The following KLHL32 variants were observed in gnomAD, a reference collection of about 807,000 sequenced individuals.
KLHL32 encodes kelch like family member 32.
Under a neutral mutation model 64.8 loss-of-function variants are expected in KLHL32, and 35 were observed. The observed-to-expected ratio is 0.54, with a 90% CI of 0.41 to 0.72. KLHL32 has a LOEUF of 0.72. KLHL32 is among the 30% of genes least tolerant of loss of function. The pLI is 0.00. For synonymous variants in KLHL32, 259 were observed against 281.0 expected (o/e 0.92, Z 0.78); for missense variants, 589 against 768.5 (o/e 0.77, Z 2.76).
chr6:97,056,515 C>G (rs1158165406), intron 4 of KLHL32, among the ~76,000 whole-genome samples: 1 of 152,114 alleles, frequency 6.6e-6, no homozygotes, highest in Non-Finnish European at 1.5e-5. Flanking sequence ...TTTGCTTGCT[C>G]CTCCCCACTC....
At chr6:96,986,316 G>A (rs1310186382) in intron 3 of KLHL32, among the ~76,000 whole-genome samples, 2 of 152,172 alleles carry the variant, frequency 1.3e-5, no homozygotes, top group African/African-American at 4.8e-5. Flanking sequence ...CTACTCAGGG[G>A]TCAGGGACCC....
intron 10 of KLHL32, among the ~76,000 whole-genome samples, 191 bp from the exon 11 acceptor site, chr6:97,138,930 A>G (rs1194374324): frequency 6.6e-6 from 1 of 152,228 alleles, no homozygotes; most frequent in African/African-American, 2.4e-5. Flanking sequence ...CCAAAAACAT[A>G]CTAACATAGT....
At chr6:96,921,805 TATAAAAACTCAC>T (rs1221489068), upstream of KLHL32, among the ~76,000 whole-genome samples, 3 of 152,162 alleles carry the variant, frequency 2.0e-5, no homozygotes, top group Non-Finnish European at 2.9e-5. Context: ...ATACAGACTT[TATAAAAACTCAC>T]AGCACTAGAT....
At chr6:96,955,020 T>C (rs2128016342) in intron 1 of KLHL32, among the ~76,000 whole-genome samples, 1 of 152,310 alleles carries the variant, frequency 6.6e-6, no homozygotes, top group South Asian at 2.1e-4. Context: ...TGCTTCCTAG[T>C]TTACAGATGA....
chr6:96,906,254 A>G, the KLHL32 span, among the ~76,000 whole-genome samples: 1 of 152,208 alleles, frequency 6.6e-6, no homozygotes, highest in African/African-American at 2.4e-5. Flanking sequence ...TAATAAATAG[A>G]TATTGTTTTA....
intron 3 of KLHL32, among the ~76,000 whole-genome samples, chr6:97,028,200 T>A (rs1783015329): frequency 6.6e-6 from 1 of 152,056 alleles, no homozygotes; most frequent in African/African-American, 2.4e-5. Flanking sequence ...CTAGTAAGTG[T>A]CGGGTAGGAG....
chr6:97,037,650 A>G (rs1784497899), intron 3 of KLHL32, among the ~76,000 whole-genome samples: 1 of 152,206 alleles, frequency 6.6e-6, no homozygotes, highest in African/African-American at 2.4e-5. Context: ...CAAATTTTCA[A>G]TGACATTCTT....
chr6:97,106,061 G>T (rs1796368945), intron 6 of KLHL32, among the ~76,000 whole-genome samples: 1 of 152,098 alleles, frequency 6.6e-6, no homozygotes, highest in Admixed American at 6.5e-5. Context: ...TATACAAGCA[G>T]TTGGAATTCA....
intron 3 of KLHL32, among the ~76,000 whole-genome samples, chr6:97,023,776 T>C (rs942816646): frequency 6.6e-6 from 1 of 152,140 alleles, no homozygotes; most frequent in East Asian, 1.9e-4. Flanking sequence ...GCCAGGAAAA[T>C]CCTTGGCTAA....
intron 4 of KLHL32, among the ~76,000 whole-genome samples, chr6:97,045,279 A>G (rs1009270789): frequency 1.3e-5 from 2 of 152,234 alleles, no homozygotes; most frequent in Non-Finnish European, 1.5e-5. Flanking sequence ...GCCAAAATAT[A>G]TTCCTAGTGA....
chr6:96,946,017 TG>T lies in KLHL32; in HGVS notation c.-65-20975del, dbSNP rs529045720. Among the ~76,000 whole-genome samples the T allele has an allele frequency of 2.6e-3, 392 of 152,260 alleles. 5 individuals carry two copies. Among genetic ancestry groups the T allele is most frequent in the African/African-American group, 9.1e-3 (378 of 41,556 alleles). ...GACAAGGATGGTTTTTAACTTTTTC[TG>T]GGGTCTTAGCTTTTACTTAAATGGC... On this transcript the variant is annotated intron_variant, in intron 1 of 10. Transcript: ENST00000369261.
chr6:97,011,531 G>T (rs980724020), intron 3 of KLHL32, among the ~76,000 whole-genome samples: 1 of 152,150 alleles, frequency 6.6e-6, no homozygotes, highest in African/African-American at 2.4e-5. Flanking sequence ...AAAGAGCAAA[G>T]AAAACTATTA....
chr6:97,135,753 C>G (rs1206143), intron 10 of KLHL32, among the ~76,000 whole-genome samples: 1 of 151,908 alleles, frequency 6.6e-6, no homozygotes, highest in East Asian at 1.9e-4. Flanking sequence ...GGCTATATTA[C>G]CATTCATTCT....
intron 4 of KLHL32, among the ~76,000 whole-genome samples, chr6:97,043,068 C>T (rs1357707007): frequency 6.6e-6 from 1 of 152,224 alleles, no homozygotes; most frequent in East Asian, 1.9e-4. Context: ...TCTCCTCTGC[C>T]ATGAGTGGAA....
chr6:97,020,380 A>G lies in KLHL32; in HGVS notation c.205-21112A>G, dbSNP rs1781826732. 2.0e-5 allele frequency among the ~76,000 whole-genome samples: 3 copies of G among 151,180 alleles called. No homozygotes were observed. In the South Asian group the frequency reaches 6.2e-4, roughly 31 times the overall value. On this transcript the variant is annotated intron_variant, in intron 3 of 10. Transcript: ENST00000369261. ...AAATAATGATTACCAGAAATACTAT[A>G]GAAACTCTATGCCAATAAACTTCAA... is the stretch of plus-strand genomic sequence containing the variant.
At chr6:97,024,974 T>A (rs1257674685) in intron 3 of KLHL32, 2 of 984,330 alleles carry the variant, frequency 2.0e-6, no homozygotes, top group Middle Eastern at 5.2e-4. Flanking sequence ...AAATTTGCAT[T>A]CATGCTTATT....
intron 3 of KLHL32, chr6:96,999,566 G>C: frequency 1.0e-6 from 1 of 970,558 alleles, no homozygotes; most frequent in Non-Finnish European, 1.2e-6. Flanking sequence ...CCAGGTATTA[G>C]GACCATTTTT....
intron 3 of KLHL32, among the ~76,000 whole-genome samples, chr6:96,988,049 A>G (rs1487209511): frequency 3.9e-5 from 6 of 152,224 alleles, no homozygotes; most frequent in Admixed American, 6.5e-5. Flanking sequence ...ATGGGCAAGG[A>G]CTTCATGTCT....
chr6:97,126,754 A>T, intron 7 of KLHL32, among the ~76,000 whole-genome samples: 1 of 152,166 alleles, frequency 6.6e-6, no homozygotes, highest in East Asian at 1.9e-4. Context: ...AAAATATCTT[A>T]ATAATTTTTA....
Sources: allele counts gnomAD v4.1 joint callset (sites outside exome capture counted in the v4.1 genomes callset), GRCh38; gene constraint gnomAD v4.1.1; transcripts MANE v1.5; gene names NCBI Gene and HGNC (gene_info 2026-07-23, HGNC 2026-07-21).